The following DISC1 variants were observed in gnomAD, a reference collection of about 807,000 sequenced individuals.
DISC1 encodes the protein DISC1 scaffold protein.
In DISC1, 57 loss-of-function variants were observed where a neutral mutation model predicts 84.5. The observed-to-expected ratio is 0.67, with a 90% confidence interval of 0.55 to 0.84. DISC1 has a LOEUF of 0.84. Ranked by LOEUF, DISC1 falls within the 40% of genes least tolerant of loss-of-function variation. The pLI is 0.00. For synonymous variants in DISC1, 411 were observed against 415.2 expected, an observed-to-expected ratio of 0.99 and a Z score of 0.12; for missense variants, 1,000 against 1,057.8, an observed-to-expected ratio of 0.95 and a Z score of 0.76.
At chr1:231,894,623 A>G (rs1167329108) in intron 9 of DISC1, among the ~76,000 whole-genome samples, 1 of 151,852 alleles carries the variant, frequency 6.6e-6, no homozygotes, top group Non-Finnish European at 1.5e-5. Flanking sequence ...TTTTAAAAAC[A>G]TTTTTTAAAG....
At chr1:231,790,327 T>C (rs78991547) in intron 6 of DISC1, among the ~76,000 whole-genome samples, 14,273 of 152,174 alleles carry the variant, frequency 0.094, 830 homozygotes, top group East Asian at 0.27. Context: ...TAAAGTACCA[T>C]GGACAGGGTG....
chr1:232,021,241 CCT>C (rs1484143762), intron 11 of DISC1, among the ~76,000 whole-genome samples: 4 of 151,882 alleles, frequency 2.6e-5, no homozygotes, highest in African/African-American at 9.7e-5. Flanking sequence ...AAAGTGAGGC[CCT>C]GTGGGTCGTA....
At chr1:231,969,699 AT>A (rs1661670805) in intron 10 of DISC1, among the ~76,000 whole-genome samples, 1 of 150,644 alleles carries the variant, frequency 6.6e-6, no homozygotes, top group South Asian at 2.1e-4. Flanking sequence ...TGCTGCACCC[AT>A]TAACTCGTCA....
At chr1:231,796,817 T>A (rs1198265957) in intron 7 of DISC1, among the ~76,000 whole-genome samples, 1 of 152,078 alleles carries the variant, frequency 6.6e-6, no homozygotes, top group East Asian at 1.9e-4. Flanking sequence ...CGGGCTCAGG[T>A]AATCCTCCTG....
At chr1:231,642,012 C>T (rs967766452) in intron 1 of DISC1, among the ~76,000 whole-genome samples, 11 of 152,254 alleles carry the variant, frequency 7.2e-5, no homozygotes, top group Non-Finnish European at 1.3e-4. Flanking sequence ...CGGCGCTTGT[C>T]GGGGAGGCTC....
intron 8 of DISC1, among the ~76,000 whole-genome samples, chr1:231,801,365 G>A (rs1297128791): frequency 6.6e-6 from 1 of 152,190 alleles, no homozygotes; most frequent in Non-Finnish European, 1.5e-5. Flanking sequence ...AGGAATACCG[G>A]TGGATGAGTC....
rs1670567976 is a variant in DISC1 at position 232,036,925 on chromosome 1, A to G, written c.*94A>G. The G allele has an allele frequency of 1.5e-6, 2 of 1,343,640 alleles. No individual in the cohort carries two copies. The highest frequency in any genetic ancestry group is 2.0e-6 in the Non-Finnish European group (2 of 1,013,472). The allele number at this position is 1,343,640 out of a possible 1,614,324, so 83.2% of individuals were successfully genotyped here. On this transcript the variant is annotated 3_prime_UTR_variant, in exon 13 of 13. Transcript: ENST00000439617. ...CGCCATAGCTAAGATGCCTGAATCA[A>G]TTACGGAGATACAGAGCCTTGAGGT...
At chr1:231,642,276 C>T (rs2059783631) in intron 1 of DISC1, among the ~76,000 whole-genome samples, 1 of 152,236 alleles carries the variant, frequency 6.6e-6, no homozygotes, top group Admixed American at 6.5e-5. Context: ...CCGGTTCCCG[C>T]CCGCGCCTCT....
intron 9 of DISC1, among the ~76,000 whole-genome samples, chr1:231,846,126 G>A (rs1433568007): frequency 1.3e-5 from 2 of 152,194 alleles, no homozygotes; most frequent in East Asian, 3.9e-4. Flanking sequence ...GACACTGACT[G>A]CTTGGGTAGG....
intron 3 of DISC1, among the ~76,000 whole-genome samples, chr1:231,728,807 A>C (rs981453461): frequency 5.1e-5 from 6 of 117,950 alleles, no homozygotes; most frequent in African/African-American, 9.0e-5. Context: ...TCTACAGTGT[A>C]TCTTTCGGCT....
chr1:231,940,131 G>A (rs1174127005), intron 9 of DISC1, among the ~76,000 whole-genome samples: 1 of 152,086 alleles, frequency 6.6e-6, no homozygotes. Context: ...CTGAGAAAGT[G>A]CCTTTCCTGG....
intron 8 of DISC1, among the ~76,000 whole-genome samples, chr1:231,818,067 G>A (rs1022379718): frequency 6.6e-6 from 1 of 152,036 alleles, no homozygotes; most frequent in Non-Finnish European, 1.5e-5. Context: ...CATACTTTAC[G>A]GGAGATGGCT....
At chr1:231,990,889 A>C (rs1293173192) in intron 10 of DISC1, among the ~76,000 whole-genome samples, 1 of 152,170 alleles carries the variant, frequency 6.6e-6, no homozygotes, top group Non-Finnish European at 1.5e-5. Context: ...AGGTAACATC[A>C]TCCCCTTCTT....
chr1:231,976,792 T>A (rs1434944862), intron 10 of DISC1, among the ~76,000 whole-genome samples: 3 of 152,244 alleles, frequency 2.0e-5, no homozygotes, highest in African/African-American at 7.2e-5. Context: ...ATTGCAATGA[T>A]CATGGTAGAG....
At chr1:231,770,539 A>G (rs1407171590) in intron 5 of DISC1, among the ~76,000 whole-genome samples, 1 of 152,176 alleles carries the variant, frequency 6.6e-6, no homozygotes. Context: ...TCCATCCGAA[A>G]TGAAGTAAGT....
chr1:231,979,309 G>A (rs912937347), intron 10 of DISC1, among the ~76,000 whole-genome samples: 10 of 151,770 alleles, frequency 6.6e-5, no homozygotes, highest in East Asian at 1.9e-4. Flanking sequence ...GAATCACCCC[G>A]AAACCATCCC....
chr1:231,701,520 C>A (rs1318012830), intron 2 of DISC1, among the ~76,000 whole-genome samples: 1 of 152,192 alleles, frequency 6.6e-6, no homozygotes, highest in African/African-American at 2.4e-5. Context: ...TTACTCAAGC[C>A]TTCAGGACAG....
At chr1:231,976,362 G>T (rs1662798454) in intron 10 of DISC1, among the ~76,000 whole-genome samples, 1 of 152,192 alleles carries the variant, frequency 6.6e-6, no homozygotes, top group South Asian at 2.1e-4. Flanking sequence ...AGAAAATGCA[G>T]TGCTTCTGTG....
At chr1:231,670,076 G>A (rs953309151) in intron 1 of DISC1, among the ~76,000 whole-genome samples, 29 of 152,090 alleles carry the variant, frequency 1.9e-4, no homozygotes, top group Non-Finnish European at 2.9e-4. Flanking sequence ...GGATGGAGCG[G>A]GAGGCCATTA....
Sources: gnomAD v4.1 joint callset for allele counts (sites outside exome capture counted in the v4.1 genomes callset) on GRCh38, gnomAD v4.1.1 for gene constraint, MANE v1.5 for transcripts, NCBI Gene and HGNC (gene_info 2026-07-23, HGNC 2026-07-21) for gene names.